CLMN: variants seen among roughly 807,000 people sequenced by gnomAD.
The protein encoded by CLMN is calmin (calponin-like, transmembrane).
In CLMN, 57 loss-of-function variants were observed where a neutral mutation model predicts 92.7. The ratio of observed to expected loss-of-function variants is 0.61; its 90% CI spans 0.50 to 0.77. The LOEUF is 0.77. Ranked by LOEUF, CLMN falls within the 30% of genes least tolerant of loss-of-function variation. The pLI is 0.00. For synonymous variants in CLMN, 466 were observed against 470.6 expected (o/e 0.99, Z 0.13); for missense variants, 1,158 against 1,237.5 (o/e 0.94, Z 0.96).
chr14:95,292,443 C>CCCACCCCCAGCCCCACCT (rs1900611244), intron 1 of CLMN, among the ~76,000 whole-genome samples: 1 of 124,602 alleles, frequency 8.0e-6, no homozygotes, highest in Non-Finnish European at 1.8e-5. Flanking sequence ...CACCCCCACC[C>CCCACCCCCAGCCCCACCT]CCACCCCCAC....
chr14:95,287,089 C>G (rs1900373603), intron 1 of CLMN, among the ~76,000 whole-genome samples: 1 of 152,240 alleles, frequency 6.6e-6, no homozygotes, highest in East Asian at 1.9e-4. Flanking sequence ...GCCTGAAGGG[C>G]CCCTTGTGCC....
intron 1 of CLMN, among the ~76,000 whole-genome samples, chr14:95,314,194 T>C (rs1331234754): frequency 2.6e-5 from 4 of 152,248 alleles, no homozygotes. Flanking sequence ...TTGTTTGCCC[T>C]GATGGCGGGC....
intron 2 of CLMN, among the ~76,000 whole-genome samples, chr14:95,224,342 G>A (rs995414007): frequency 3.3e-5 from 5 of 152,096 alleles, no homozygotes; most frequent in African/African-American, 1.2e-4. Flanking sequence ...GAGTGCAGTG[G>A]CACAATTTTG....
At chr14:95,200,463 C>T (rs114342419) in intron 9 of CLMN, among the ~76,000 whole-genome samples, 2,843 of 152,290 alleles carry the variant, frequency 0.019, 86 homozygotes, top group African/African-American at 0.064. Flanking sequence ...GAGCCCAGGC[C>T]CTTCTCCTCC....
At chr14:95,309,880 C>T (rs550311874) in intron 1 of CLMN, among the ~76,000 whole-genome samples, 25 of 152,188 alleles carry the variant, frequency 1.6e-4, no homozygotes, top group East Asian at 3.9e-4. Flanking sequence ...GATTACCACA[C>T]GCTTAGTGGC....
rs1193056176 is a variant in CLMN at position 95,185,685 on chromosome 14, T to C, written c.*5879A>G. 6.6e-6 allele frequency: 1 copy of C among 151,886 alleles called. No homozygotes were observed. The highest frequency in any genetic ancestry group is 1.5e-5 in the Non-Finnish European group (1 of 67,984). The allele number at this position is 151,886 out of a possible 1,614,324, so 9.4% of individuals were successfully genotyped here. A position where few individuals can be genotyped will look rare whatever the true frequency, so the allele number is the denominator to read the frequency against. ...TGACTGGAAGCTCCCACACAGCCCATTTCTGGGACCTGAGGGCGCAAGGCT... is the reference window on the plus strand; with the variant it reads ...TGACTGGAAGCTCCCACACAGCCCACTTCTGGGACCTGAGGGCGCAAGGCT... On this transcript the variant is annotated 3_prime_UTR_variant, in exon 13 of 13. Transcript: ENST00000298912.
At chr14:95,253,354 T>A (rs1244738363) in intron 1 of CLMN, among the ~76,000 whole-genome samples, 1 of 152,196 alleles carries the variant, frequency 6.6e-6, no homozygotes, top group Non-Finnish European at 1.5e-5. Flanking sequence ...GAGCACAGGG[T>A]TCCGCTCCAT....
intron 8 of CLMN, among the ~76,000 whole-genome samples, chr14:95,206,715 G>A (rs1329294795): frequency 6.6e-6 from 1 of 152,228 alleles, no homozygotes; most frequent in African/African-American, 2.4e-5. Flanking sequence ...CTTTCTCCAG[G>A]TATTATTTCT....
At chr14:95,262,631 T>C (rs1899304137) in intron 1 of CLMN, among the ~76,000 whole-genome samples, 1 of 152,168 alleles carries the variant, frequency 6.6e-6, no homozygotes, top group East Asian at 1.9e-4. Context: ...AGTGGTGTGA[T>C]CATGGCTCAC....
Position 95,191,737 on chromosome 14 carries a change from A to T in CLMN, c.2841-5T>A. The T allele has an allele frequency of 6.2e-7, 1 of 1,602,800 alleles. No homozygotes were observed. Among genetic ancestry groups the T allele is most frequent in the Non-Finnish European group, 8.5e-7 (1 of 1,176,370 alleles). ...TCTCCTGAGCTGTTGGCCTTCCTAC[A>T]GAAGAAACACAGAGGAAACGCAGTT... On this transcript the variant is annotated splice_polypyrimidine_tract_variant and splice_region_variant and intron_variant, in intron 12 of 12. Transcript: ENST00000298912. This position sits in a 1 kb window ranked among gnomAD's most constrained non-coding sequence, Gnocchi z 5.3.
chr14:95,219,707 C>G (rs574971714), intron 4 of CLMN, among the ~76,000 whole-genome samples: 11 of 152,194 alleles, frequency 7.2e-5, no homozygotes, highest in Non-Finnish European at 1.5e-4. Flanking sequence ...TGCTGGCCCA[C>G]GTTTGGCCAG....
chr14:95,207,178 A>G (rs547314284), intron 8 of CLMN, among the ~76,000 whole-genome samples: 1 of 152,370 alleles, frequency 6.6e-6, no homozygotes, highest in African/African-American at 2.4e-5. Flanking sequence ...ATCAAATCTG[A>G]GAAATCAATA....
chr14:95,219,829 G>A (rs985705572), intron 4 of CLMN, among the ~76,000 whole-genome samples: 2 of 152,068 alleles, frequency 1.3e-5, no homozygotes, highest in Admixed American at 6.6e-5. Flanking sequence ...TCCTATTCAC[G>A]CACTCAAAGT....
At chr14:95,275,759 C>T (rs866166514) in intron 1 of CLMN, among the ~76,000 whole-genome samples, 2 of 152,170 alleles carry the variant, frequency 1.3e-5, no homozygotes, top group Non-Finnish European at 2.9e-5. Flanking sequence ...GCCTCCCATG[C>T]TCAAGTGATT....
chr14:95,310,835 C>A (rs1011751390), intron 1 of CLMN, among the ~76,000 whole-genome samples: 1 of 152,210 alleles, frequency 6.6e-6, no homozygotes, highest in Non-Finnish European at 1.5e-5. Context: ...GGCCTGTGGG[C>A]AAACCCGGAA....
intron 1 of CLMN, among the ~76,000 whole-genome samples, chr14:95,308,174 A>T (rs1901367131): frequency 6.6e-6 from 1 of 152,346 alleles, no homozygotes; most frequent in East Asian, 1.9e-4. Flanking sequence ...ACCAGGCAGA[A>T]ATCTTCAGTC....
At chr14:95,301,995 A>C (rs1387523203) in intron 1 of CLMN, among the ~76,000 whole-genome samples, 2 of 152,254 alleles carry the variant, frequency 1.3e-5, no homozygotes, top group African/African-American at 4.8e-5. Context: ...CCACCACAAC[A>C]CTGAGCTATG....
Position 95,319,783 on chromosome 14 carries a change from G to T in CLMN, c.10C>A (p.His4Asn). The change falls in exon 1 of 13, where the codon CAC becomes AAC. Residue 4 changes from histidine to asparagine, a missense_variant. His to Asn is a moderately conservative substitution (Grantham distance 68, BLOSUM62 1). Coordinates refer to ENST00000298912, the MANE Select transcript of CLMN (RefSeq NM_024734.4). MAAHEWDWFQREEL... is the reference protein window; with the variant it reads MAANEWDWFQREEL... ...TCGCGTTGGAACCAGTCCCACTCGT[G>T]TGCAGCCATGAAGCGCGGGCGGGAG... The T allele has an allele frequency of 6.3e-7, 1 of 1,578,360 alleles. No individual in the cohort carries two copies.
chr14:95,222,219 A>T (rs954657507), intron 3 of CLMN, among the ~76,000 whole-genome samples: 36 of 152,190 alleles, frequency 2.4e-4, no homozygotes, highest in African/African-American at 8.2e-4. Context: ...CTGCTAAATC[A>T]TCCAGCCGAG....
Sources: gnomAD v4.1 joint callset for allele counts (sites outside exome capture counted in the v4.1 genomes callset) on GRCh38, gnomAD v4.1.1 for gene constraint, Gnocchi (gnomAD v3.1) non-coding constraint, MANE v1.5 for transcripts, NCBI Gene and HGNC (gene_info 2026-07-23, HGNC 2026-07-21) for gene names.